Variants in SCML4 observed in about 807,000 individuals in gnomAD.
The protein encoded by SCML4 is Scm polycomb group protein like 4, also known as sex comb on midleg-like protein 4.
In SCML4, 34 loss-of-function variants were observed where a neutral mutation model predicts 41.1. That is an observed-to-expected ratio of 0.83 (90% CI 0.63 to 1.10). SCML4 has a LOEUF of 1.10. Among genes scored for constraint, SCML4 ranks in the 50% least tolerant of loss-of-function variants. The pLI is 0.00. For missense variants in SCML4, 522 were observed against 534.1 expected (o/e 0.98, Z 0.22); for synonymous variants, 214 against 220.9 (o/e 0.97, Z 0.28).
chr6:107,837,399 A>G, the SCML4 span, among the ~76,000 whole-genome samples: 1 of 152,244 alleles, frequency 6.6e-6, no homozygotes, highest in African/African-American at 2.4e-5. Flanking sequence ...GATTCTAGGC[A>G]TTATGGTCCC....
chr6:107,799,473 A>G (rs1444232435), intron 1 of SCML4, among the ~76,000 whole-genome samples: 1 of 152,166 alleles, frequency 6.6e-6, no homozygotes, highest in African/African-American at 2.4e-5. Flanking sequence ...TGTCTCTTGT[A>G]GCCAACATAG....
chr6:107,827,148 T>C (rs1293300585), upstream of SCML4, among the ~76,000 whole-genome samples: 2 of 148,084 alleles, frequency 1.4e-5, no homozygotes, highest in African/African-American at 2.4e-5. Flanking sequence ...AAATATTTGA[T>C]ATTTAATAAA....
the SCML4 span, among the ~76,000 whole-genome samples, chr6:107,838,329 A>G: frequency 6.6e-6 from 1 of 151,948 alleles, no homozygotes. Flanking sequence ...GTAACCACTA[A>G]CCCTCCCTTT....
intron 1 of SCML4, among the ~76,000 whole-genome samples, chr6:107,786,517 C>T (rs1781908193): frequency 6.6e-6 from 1 of 152,210 alleles, no homozygotes; most frequent in Admixed American, 6.5e-5. Context: ...ACAGCACCTA[C>T]AACATGTTAT....
the SCML4 span, among the ~76,000 whole-genome samples, chr6:107,836,499 C>T: frequency 6.6e-6 from 1 of 152,180 alleles, no homozygotes; most frequent in Admixed American, 6.5e-5. Flanking sequence ...TGGGGTCTTT[C>T]CAACCCAGAG....
At chr6:107,743,593 C>G (rs1014509487) in intron 5 of SCML4, among the ~76,000 whole-genome samples, 1 of 152,244 alleles carries the variant, frequency 6.6e-6, no homozygotes, top group African/African-American at 2.4e-5. Flanking sequence ...GTATCAGCAA[C>G]TCCAACCTGT....
intron 6 of SCML4, among the ~76,000 whole-genome samples, chr6:107,709,831 C>T (rs1774063619): frequency 6.6e-6 from 1 of 152,220 alleles, no homozygotes; most frequent in Admixed American, 6.5e-5. Context: ...CTGCCTCAGC[C>T]TTCCAAGTAT....
At chr6:107,805,232 A>G (rs751931952) in intron 1 of SCML4, among the ~76,000 whole-genome samples, 2 of 152,072 alleles carry the variant, frequency 1.3e-5, no homozygotes, top group Non-Finnish European at 2.9e-5. Flanking sequence ...CAAATCTGAA[A>G]TGTTCTCTAT....
intron 1 of SCML4, among the ~76,000 whole-genome samples, chr6:107,822,508 CTT>C (rs10677944): frequency 0.54 from 74,061 of 137,962 alleles, 21,159 homozygotes; most frequent in East Asian, 0.83. Flanking sequence ...TTTTTCTTTT[CTT>C]TTTTTTTTTT....
chr6:107,724,249 A>G (rs1026657424), intron 5 of SCML4, among the ~76,000 whole-genome samples: 1 of 152,232 alleles, frequency 6.6e-6, no homozygotes, highest in African/African-American at 2.4e-5. Context: ...GATCAGGAAC[A>G]AAAAGAGACG....
intron 1 of SCML4, among the ~76,000 whole-genome samples, chr6:107,784,847 A>C (rs907077401): frequency 6.6e-6 from 1 of 152,180 alleles, no homozygotes; most frequent in South Asian, 2.1e-4. Flanking sequence ...TGGTGTGTGC[A>C]TTTGCCCTGA....
In SCML4 at chr6:107,749,508, A is replaced by G. The variant is rs78899508; in HGVS notation, c.286+176T>C. On this transcript the variant is annotated intron_variant, in intron 3 of 7. Coordinates refer to ENST00000369020, the MANE Select transcript of SCML4 (RefSeq NM_198081.5). ...TTAAATAATCCAAGCTGTGGGACAT[A>G]TAAACTGGTGCTCTCAAAGACTCTG... Among the ~76,000 whole-genome samples, 775 of 152,288 alleles carry G rather than the reference A, an allele frequency of 5.1e-3. 12 individuals are homozygous for G. In the East Asian group the frequency reaches 0.064, roughly 12 times the overall value.
In SCML4 at chr6:107,717,143, CAA is replaced by C. The variant is rs546258538; in HGVS notation, c.973+3558_973+3559del. 1.0e-2 allele frequency among the ~76,000 whole-genome samples: 632 copies of C among 63,402 alleles called. 3 individuals are homozygous for C. Among genetic ancestry groups the C allele is most frequent in the African/African-American group, 0.034 (430 of 12,594 alleles). The allele number at this position is 63,402 out of a possible 152,430, so 41.6% of individuals were successfully genotyped here. A position where few individuals can be genotyped will look rare whatever the true frequency, so the allele number is the denominator to read the frequency against. Reference sequence around the variant, plus strand: ...TGAAACCCCGTCTCTACTAAAAATACAAAAAAAAAAAAAAAAAAAAAAAAAAA... The same window carrying C: ...TGAAACCCCGTCTCTACTAAAAATACAAAAAAAAAAAAAAAAAAAAAAAAA... On this transcript the variant is annotated intron_variant, in intron 6 of 7. Transcript: ENST00000369020.
chr6:107,777,974 G>A (rs1269145539), intron 1 of SCML4, among the ~76,000 whole-genome samples: 6 of 151,626 alleles, frequency 4.0e-5, no homozygotes, highest in East Asian at 1.9e-4. Flanking sequence ...CAGCACTTTC[G>A]GAGGCTGAGG....
chr6:107,730,783 AG>A (rs1044795584), intron 5 of SCML4, among the ~76,000 whole-genome samples: 2 of 152,190 alleles, frequency 1.3e-5, no homozygotes, highest in African/African-American at 4.8e-5. Context: ...CTGTGTATAA[AG>A]CCTGCCTATT....
chr6:107,752,976 G>A (rs1284801699), intron 2 of SCML4, among the ~76,000 whole-genome samples: 2 of 152,114 alleles, frequency 1.3e-5, no homozygotes. Context: ...AGAGGCATTA[G>A]GATCAGTAAG....
intron 1 of SCML4, among the ~76,000 whole-genome samples, chr6:107,817,620 CA>C (rs35621962): frequency 6.5e-5 from 3 of 46,002 alleles, no homozygotes; most frequent in African/African-American, 2.8e-4. Flanking sequence ...GACTTCATCT[CA>C]AAAAAAAAAA....
intron 2 of SCML4, among the ~76,000 whole-genome samples, chr6:107,765,142 C>A (rs1779930179): frequency 6.6e-6 from 1 of 152,192 alleles, no homozygotes; most frequent in Non-Finnish European, 1.5e-5. Context: ...GCAACACCAA[C>A]AATCTTTAGC....
At chr6:107,844,544 T>C in the SCML4 span, among the ~76,000 whole-genome samples, 2 of 148,842 alleles carry the variant, frequency 1.3e-5, no homozygotes, top group Non-Finnish European at 3.0e-5. Context: ...CATAATATTT[T>C]TAAAATTTGC....
Sources: allele counts gnomAD v4.1 joint callset (sites outside exome capture counted in the v4.1 genomes callset), GRCh38; gene constraint gnomAD v4.1.1; transcripts MANE v1.5; gene names NCBI Gene and HGNC (gene_info 2026-07-23, HGNC 2026-07-21).